TAFA2: variants seen among roughly 807,000 people sequenced by gnomAD.
The protein encoded by TAFA2 is TAFA chemokine like family member 2, also known as chemokine-like protein TAFA-2.
TAFA2 carries 7 observed loss-of-function variants against 18.8 expected under a neutral mutation model. The observed-to-expected ratio is 0.37, with a 90% CI of 0.21 to 0.70. TAFA2 has a LOEUF of 0.70. TAFA2 is among the 30% of genes least tolerant of loss of function. The probability of loss-of-function intolerance (pLI) is 0.53; values close to 1 mark genes in which losing one functional copy is unlikely to be tolerated. For synonymous variants in TAFA2, 60 were observed against 54.2 expected, an observed-to-expected ratio of 1.11 and a Z score of -0.47; for missense variants, 122 against 158.1, an observed-to-expected ratio of 0.77 and a Z score of 1.23.
At chr12:61,830,693 G>A (rs1047817747) in intron 2 of TAFA2, among the ~76,000 whole-genome samples, 1 of 151,832 alleles carries the variant, frequency 6.6e-6, no homozygotes, top group African/African-American at 2.4e-5. Flanking sequence ...AGACTTATGG[G>A]CTTCTTGCCA....
At chr12:62,168,113 C>T (rs1044608808) in intron 1 of TAFA2, among the ~76,000 whole-genome samples, 4 of 152,098 alleles carry the variant, frequency 2.6e-5, no homozygotes, top group East Asian at 1.9e-4. Flanking sequence ...GTCTAGCCTG[C>T]CTTTCCTGTA....
chr12:61,906,019 C>T (rs1276665122), intron 1 of TAFA2, among the ~76,000 whole-genome samples: 5 of 152,156 alleles, frequency 3.3e-5, no homozygotes, highest in Admixed American at 3.3e-4. Flanking sequence ...AGAAAGTATA[C>T]TAATTCAGAG....
intron 2 of TAFA2, among the ~76,000 whole-genome samples, chr12:61,836,080 A>G (rs1341470399): frequency 1.3e-5 from 2 of 151,946 alleles, no homozygotes; most frequent in African/African-American, 4.8e-5. Context: ...CCAACACCAC[A>G]TACTCTTGGT....
intron 1 of TAFA2, among the ~76,000 whole-genome samples, chr12:62,079,104 T>C (rs1353391918): frequency 6.6e-6 from 1 of 152,294 alleles, no homozygotes; most frequent in South Asian, 2.1e-4. Context: ...CATGTTATCA[T>C]CTGCAGCTGC....
In TAFA2 at chr12:61,789,125, A is replaced by G. The variant is rs184520487; in HGVS notation, c.107-34101T>C. ...CACTCTGATGATAGTTTCTTTTCCT[A>G]TGCAGAAGCTCTTTAGTTTAGTTAG... On this transcript the variant is annotated intron_variant, in intron 2 of 4. Transcript: ENST00000416284. 4.0e-3 allele frequency among the ~76,000 whole-genome samples: 602 copies of G among 151,804 alleles called. 2 individuals carry two copies. Among genetic ancestry groups the G allele is most frequent in the Non-Finnish European group, 5.7e-3 (387 of 67,832 alleles).
At chr12:61,969,867 A>T (rs111817503) in intron 1 of TAFA2, among the ~76,000 whole-genome samples, 19 of 151,730 alleles carry the variant, frequency 1.3e-4, no homozygotes, top group Non-Finnish European at 2.5e-4. Flanking sequence ...AAAGGCAGAG[A>T]TATACAAAAA....
intron 1 of TAFA2, among the ~76,000 whole-genome samples, chr12:62,084,138 A>C (rs1201007619): frequency 6.6e-6 from 1 of 152,310 alleles, no homozygotes; most frequent in East Asian, 1.9e-4. Flanking sequence ...ATCATCTGGC[A>C]ACAGCGCTAC....
chr12:61,736,587 A>C (rs1868308022), intron 4 of TAFA2, among the ~76,000 whole-genome samples: 1 of 152,000 alleles, frequency 6.6e-6, no homozygotes, highest in African/African-American at 2.4e-5. Context: ...GACATTAGCT[A>C]ATTGTTACTT....
chr12:61,875,144 A>C lies in TAFA2; in HGVS notation c.-1-7718T>G, dbSNP rs181442800. Among the ~76,000 whole-genome samples, 221 of 152,292 alleles carry C rather than the reference A, an allele frequency of 1.5e-3. 2 individuals carry two copies. Among genetic ancestry groups the C allele is most frequent in the Non-Finnish European group, 2.1e-3 (140 of 67,996 alleles). On this transcript the variant is annotated intron_variant, in intron 1 of 4. Transcript: ENST00000416284. ...ATAAAGAATGTACAAATATTATTAC[A>C]TATAATATTGTAATGTATGTAACGA...
At chr12:62,253,577 G>A (rs570355696) in intron 1 of TAFA2, 4 of 152,234 alleles carry the variant, frequency 2.6e-5, no homozygotes, top group South Asian at 2.1e-4. Context: ...TTCTAAATTC[G>A]AGAAGCCTTC....
chr12:62,149,385 AG>A (rs1364102547), intron 1 of TAFA2, among the ~76,000 whole-genome samples: 2 of 152,080 alleles, frequency 1.3e-5, no homozygotes, highest in East Asian at 3.9e-4. Context: ...GCTTTCACAG[AG>A]GGGGGAAATT....
At chr12:61,881,167 G>C (rs1875119764) in intron 1 of TAFA2, among the ~76,000 whole-genome samples, 1 of 152,028 alleles carries the variant, frequency 6.6e-6, no homozygotes, top group Non-Finnish European at 1.5e-5. Flanking sequence ...CTAAACAAGA[G>C]AGGAATTACA....
chr12:62,072,472 A>T (rs976668931), intron 1 of TAFA2, among the ~76,000 whole-genome samples: 2 of 147,894 alleles, frequency 1.4e-5, no homozygotes, highest in African/African-American at 2.5e-5. Context: ...CCATCTCAAA[A>T]AATAATAATA....
intron 2 of TAFA2, among the ~76,000 whole-genome samples, chr12:61,814,455 T>G (rs1871997124): frequency 6.6e-6 from 1 of 151,152 alleles, no homozygotes; most frequent in Non-Finnish European, 1.5e-5. Context: ...GTGGTTAAAC[T>G]CTCTCTGAAT....
At chr12:62,185,449 T>A (rs2062579696) in intron 1 of TAFA2, among the ~76,000 whole-genome samples, 1 of 152,170 alleles carries the variant, frequency 6.6e-6, no homozygotes, top group African/African-American at 2.4e-5. Context: ...CAAACAAAGC[T>A]GGAGAACCCA....
chr12:62,180,162 AT>A (rs2062542543), intron 1 of TAFA2, among the ~76,000 whole-genome samples: 1 of 152,074 alleles, frequency 6.6e-6, no homozygotes, highest in African/African-American at 2.4e-5. Context: ...TTGATTTTAA[AT>A]TTTTTTCAGT....
At chr12:61,874,977 A>G (rs1227166022) in intron 1 of TAFA2, among the ~76,000 whole-genome samples, 2 of 152,120 alleles carry the variant, frequency 1.3e-5, no homozygotes, top group Non-Finnish European at 2.9e-5. Flanking sequence ...GTGAAAAATC[A>G]GAGGTGTTAC....
At chr12:61,881,338 C>T (rs1219542944) in intron 1 of TAFA2, among the ~76,000 whole-genome samples, 1 of 152,116 alleles carries the variant, frequency 6.6e-6, no homozygotes, top group Non-Finnish European at 1.5e-5. Flanking sequence ...TATGGTACAG[C>T]CTACTACACA....
intron 1 of TAFA2, among the ~76,000 whole-genome samples, chr12:62,100,906 C>T (rs985394080): frequency 2.0e-5 from 3 of 152,166 alleles, no homozygotes; most frequent in South Asian, 4.2e-4. Flanking sequence ...GAAACTGAAG[C>T]GTAAAAGTTT....
Sources: allele counts gnomAD v4.1 joint callset (sites outside exome capture counted in the v4.1 genomes callset), GRCh38; gene constraint gnomAD v4.1.1; transcripts MANE v1.5; gene names NCBI Gene and HGNC (gene_info 2026-07-23, HGNC 2026-07-21).